The following WDR41 variants were observed in gnomAD, a reference collection of about 807,000 sequenced individuals.
WDR41 encodes WD repeat domain 41.
In WDR41, 63 loss-of-function variants were observed where a neutral mutation model predicts 69.3. The ratio of observed to expected loss-of-function variants is 0.91; its 90% CI spans 0.74 to 1.12. The LOEUF (loss-of-function observed/expected upper bound fraction) is 1.12. Ranked by LOEUF, WDR41 falls within the 50% of genes most tolerant of loss-of-function variation. WDR41 has a pLI of 0.00. For synonymous variants in WDR41, 185 were observed against 192.1 expected (o/e 0.96, Z 0.31); for missense variants, 543 against 534.5 (o/e 1.02, Z -0.16).
At position 77,432,480 on chromosome 5, in the gene WDR41, T is replaced by C. The variant is rs1241985252; in HGVS notation, c.*655A>G. On this transcript the variant is annotated 3_prime_UTR_variant, in exon 13 of 13. Transcript: ENST00000296679. ...CATCCTTGGCGTACATGAGGGGCAG[T>C]TGTTGTTCTAGTACCCATTTAGCCC... The C allele has an allele frequency of 6.6e-6, 1 of 152,442 alleles. No individual in the cohort carries two copies. The highest frequency in any genetic ancestry group is 1.5e-5 in the Non-Finnish European group (1 of 68,048). 9.4% of individuals were successfully genotyped at this position (152,442 alleles called of 1,614,324 possible).
In WDR41 at chr5:77,512,476, G is replaced by C. The variant is rs1802224466; in HGVS notation, c.43-22904C>G. ...CATAAAATTCGTCAGGCGGGGCCGA[G>C]TAAGGTAGCTCATGCCTGTAATCCC... On this transcript the variant is annotated intron_variant, in intron 1 of 5. Coordinates refer to the WDR41 transcript ENST00000509971. Among the ~76,000 whole-genome samples, 6 of 150,258 alleles carry C rather than the reference G, an allele frequency of 4.0e-5. No individual in the cohort carries two copies. In the South Asian group the frequency reaches 1.3e-3, roughly 32 times the overall value.
At chr5:77,465,345 G>A (rs1800257908) in intron 2 of WDR41, among the ~76,000 whole-genome samples, 1 of 152,036 alleles carries the variant, frequency 6.6e-6, no homozygotes, top group South Asian at 2.1e-4. Flanking sequence ...TTTTAGTGAA[G>A]ATGCTTGAAA....
At chr5:77,613,276 C>A (rs1254120089) in intron 1 of WDR41, among the ~76,000 whole-genome samples, 1 of 151,958 alleles carries the variant, frequency 6.6e-6, no homozygotes, top group African/African-American at 2.4e-5. Context: ...ACTTTCTTCA[C>A]AGAATTGGAA....
intron 7 of WDR41, among the ~76,000 whole-genome samples, chr5:77,450,827 G>A (rs1799598537): frequency 6.6e-6 from 1 of 152,188 alleles, no homozygotes; most frequent in African/African-American, 2.4e-5. Context: ...CTCTCTAGAA[G>A]ATAGGTCATG....
At chr5:77,473,831 T>G (rs756151450) in intron 2 of WDR41, among the ~76,000 whole-genome samples, 4 of 152,186 alleles carry the variant, frequency 2.6e-5, no homozygotes, top group Admixed American at 6.5e-5. Context: ...ACAGGAACAC[T>G]TTTACACTGT....
At chr5:77,542,039 G>GAT (rs1386178616) in intron 1 of WDR41, among the ~76,000 whole-genome samples, 2 of 152,108 alleles carry the variant, frequency 1.3e-5, no homozygotes, top group African/African-American at 4.8e-5. Flanking sequence ...ATCAATGATA[G>GAT]GCTGGATAAA....
chr5:77,517,784 GAA>G (rs1263476528), intron 1 of WDR41, among the ~76,000 whole-genome samples: 1 of 151,700 alleles, frequency 6.6e-6, no homozygotes, highest in Non-Finnish European at 1.5e-5. Context: ...ACCCAAATAA[GAA>G]AGATACAGTT....
chr5:77,489,564 A>G lies in WDR41; in HGVS notation c.60T>C (p.Pro20=), dbSNP rs370712171. 6.5e-6 allele frequency: 10 copies of G among 1,536,110 alleles called. No homozygotes were observed. The highest frequency in any genetic ancestry group is 8.8e-6 in the Non-Finnish European group (10 of 1,134,462). Reference sequence around the variant, plus strand: ...TTTGTTCTTCACCTATTGTCTGTAAAGGAGATTTCTTGTATTGAAAAAAAA... The same window carrying G: ...TTTGTTCTTCACCTATTGTCTGTAAGGGAGATTTCTTGTATTGAAAAAAAA... ...REPQGLAEKS[P]LQTIGEEQTQ... is the part of the protein sequence containing the mutation. The change falls in exon 2 of 13, where the codon CCT becomes CCC. Residue 20 remains proline (P), a synonymous_variant. Transcript: ENST00000296679.
intron 1 of WDR41, among the ~76,000 whole-genome samples, chr5:77,609,724 A>C (rs1744504144): frequency 6.6e-6 from 1 of 152,130 alleles, no homozygotes; most frequent in Admixed American, 6.5e-5. Flanking sequence ...GAGCAGAAAA[A>C]CTGGAAACTC....
At chr5:77,549,557 C>G (rs561814701) in intron 1 of WDR41, among the ~76,000 whole-genome samples, 41 of 152,140 alleles carry the variant, frequency 2.7e-4, no homozygotes, top group Middle Eastern at 3.4e-3. Flanking sequence ...AGGTACACAT[C>G]TAGTTAAGGA....
chr5:77,436,300 C>T lies in WDR41; in HGVS notation c.1188G>A (p.Glu396=). Residue 396 remains glutamate (E), a synonymous_variant, in exon 12 of 13, where the codon GAG becomes GAA. Transcript: ENST00000296679. The part of the protein sequence containing the change: ...QQENATSCSL[E]LIGDLIGHSS... ...AGTGTCCAATCAAATCTCCAATAAG[C>T]TCCAGTGAACATGAAGTAGCATTTT... 1 of 1,614,092 alleles carries T rather than the reference C, an allele frequency of 6.2e-7. No individual in the cohort carries two copies.
chr5:77,560,282 G>T (rs915228522), intron 1 of WDR41, among the ~76,000 whole-genome samples: 1 of 152,170 alleles, frequency 6.6e-6, no homozygotes, highest in Non-Finnish European at 1.5e-5. Flanking sequence ...AATCTGATAT[G>T]CAACAGTTTT....
intron 1 of WDR41, among the ~76,000 whole-genome samples, chr5:77,560,559 T>C (rs374491367): frequency 2.0e-5 from 3 of 152,122 alleles, no homozygotes; most frequent in Admixed American, 6.5e-5. Context: ...AGTTTTTAAA[T>C]AGAACAGACT....
At chr5:77,556,228 C>T (rs745548418) in intron 1 of WDR41, among the ~76,000 whole-genome samples, 2 of 151,454 alleles carry the variant, frequency 1.3e-5, no homozygotes, top group Middle Eastern at 3.4e-3. Flanking sequence ...CTCAGCCTGC[C>T]GAAATAGCTG....
intron 4 of WDR41, among the ~76,000 whole-genome samples, chr5:77,459,906 A>C (rs1799975407): frequency 6.6e-6 from 1 of 152,218 alleles, no homozygotes; most frequent in Non-Finnish European, 1.5e-5. Flanking sequence ...TCTAAGTGGA[A>C]AATATCCTAA....
chr5:77,549,400 C>T (rs931279718), intron 1 of WDR41, among the ~76,000 whole-genome samples: 4 of 151,970 alleles, frequency 2.6e-5, no homozygotes, highest in Admixed American at 6.6e-5. Flanking sequence ...AAATGACCTC[C>T]GGGAAAGTTT....
At position 77,433,038 on chromosome 5, in the gene WDR41, AT is replaced by A; in HGVS notation, c.*96del. The stretch of plus-strand genomic sequence containing the variant: ...AGAATTTTATGGACTGACAAAAAAA[AT>A]TACCAATTTAAGTGATCAATATATT... On this transcript the variant is annotated 3_prime_UTR_variant, in exon 13 of 13. Coordinates refer to ENST00000296679, the MANE Select transcript of WDR41 (RefSeq NM_018268.4). The A allele has an allele frequency of 7.4e-7, 1 of 1,351,790 alleles. No individual in the cohort carries two copies. Among genetic ancestry groups the A allele is most frequent in the Non-Finnish European group, 9.8e-7 (1 of 1,019,926 alleles). The allele number at this position is 1,351,790 out of a possible 1,614,324, so 83.7% of individuals were successfully genotyped here.
chr5:77,441,381 G>A (rs1278151659), intron 8 of WDR41, among the ~76,000 whole-genome samples: 2 of 152,162 alleles, frequency 1.3e-5, no homozygotes, highest in East Asian at 1.9e-4. Context: ...TTTTAGGAAT[G>A]TGGAGTGGTA....
chr5:77,564,668 C>A (rs1317326568), intron 1 of WDR41, among the ~76,000 whole-genome samples: 1 of 152,070 alleles, frequency 6.6e-6, no homozygotes, highest in Non-Finnish European at 1.5e-5. Flanking sequence ...ACATATTCCC[C>A]TTGGTAAGCA....
Sources: gnomAD v4.1 joint callset for allele counts (sites outside exome capture counted in the v4.1 genomes callset) on GRCh38, gnomAD v4.1.1 for gene constraint, MANE v1.5 for transcripts, NCBI Gene and HGNC (gene_info 2026-07-23, HGNC 2026-07-21) for gene names.